XIRP2: variants seen among roughly 807,000 people sequenced by gnomAD.
XIRP2 encodes xin actin-binding repeat-containing protein 2.
Under a neutral mutation model 277.0 loss-of-function variants are expected in XIRP2, and 236 were observed. The observed-to-expected ratio is 0.85, with a 90% CI of 0.77 to 0.95. The LOEUF is 0.95. XIRP2 is among the 40% of genes least tolerant of loss of function. The pLI is 0.00. For missense variants in XIRP2, 4,640 were observed against 4,157.5 expected (o/e 1.12, Z -3.19); for synonymous variants, 1,490 against 1,416.5 (o/e 1.05, Z -1.17).
chr2:167,209,128 A>G (rs748304394), intron 3 of XIRP2, among the ~76,000 whole-genome samples: 10 of 152,216 alleles, frequency 6.6e-5, no homozygotes, highest in Non-Finnish European at 1.3e-4. Flanking sequence ...ACATTGTACA[A>G]TCAGCATTCA....
At chr2:166,935,861 C>A (rs1396631423) in intron 2 of XIRP2, among the ~76,000 whole-genome samples, 1 of 152,152 alleles carries the variant, frequency 6.6e-6, no homozygotes, top group South Asian at 2.1e-4. Context: ...TGAATAGTGC[C>A]GCAATAAACA....
intron 2 of XIRP2, among the ~76,000 whole-genome samples, chr2:167,021,735 G>A (rs1687987812): frequency 6.6e-6 from 1 of 152,034 alleles, no homozygotes; most frequent in African/African-American, 2.4e-5. Context: ...GGAGGTGGGA[G>A]GATCTCATGA....
intron 5 of XIRP2, among the ~76,000 whole-genome samples, chr2:167,226,964 A>G (rs73972212): frequency 0.15 from 22,871 of 152,064 alleles, 2,112 homozygotes; most frequent in African/African-American, 0.27. Context: ...GGAAATCCCC[A>G]GGCGGCCCAG....
intron 2 of XIRP2, among the ~76,000 whole-genome samples, chr2:166,947,633 A>G (rs1281306559): frequency 6.6e-6 from 1 of 152,140 alleles, no homozygotes; most frequent in Non-Finnish European, 1.5e-5. Context: ...TGTGAGAAAT[A>G]GGACCTTTCA....
intron 2 of XIRP2, among the ~76,000 whole-genome samples, chr2:167,097,794 C>T (rs1433009906): frequency 6.6e-6 from 1 of 152,110 alleles, no homozygotes; most frequent in Non-Finnish European, 1.5e-5. Flanking sequence ...TTTTGTTTCT[C>T]CTTCATTTAT....
At chr2:166,893,320 G>A (rs1184889895) in intron 1 of XIRP2, among the ~76,000 whole-genome samples, 1 of 152,052 alleles carries the variant, frequency 6.6e-6, no homozygotes, top group Non-Finnish European at 1.5e-5. Context: ...CTTCAAAAAT[G>A]TAGAAAAGCC....
intron 2 of XIRP2, among the ~76,000 whole-genome samples, chr2:166,966,443 T>C (rs954481636): frequency 2.6e-5 from 4 of 151,938 alleles, no homozygotes; most frequent in African/African-American, 9.7e-5. Context: ...TATGTTTATA[T>C]ATATTTGTTT....
chr2:167,037,997 A>G (rs1231725990), intron 2 of XIRP2, among the ~76,000 whole-genome samples: 1 of 152,094 alleles, frequency 6.6e-6, no homozygotes, highest in African/African-American at 2.4e-5. Context: ...TTCGAATAGT[A>G]CTAAATGAAA....
chr2:166,924,491 AT>A (rs996090143), intron 2 of XIRP2, among the ~76,000 whole-genome samples: 2 of 151,292 alleles, frequency 1.3e-5, no homozygotes, highest in Non-Finnish European at 3.0e-5. Context: ...TTTTTTTTGA[AT>A]TTTTTTCTTT....
At chr2:167,010,050 G>T (rs9688918) in intron 2 of XIRP2, among the ~76,000 whole-genome samples, 2 of 151,958 alleles carry the variant, frequency 1.3e-5, no homozygotes, top group African/African-American at 2.4e-5. Context: ...CTTTTGCTGT[G>T]CAGAAGCTCT....
chr2:167,214,545 C>T (rs1694187418), intron 4 of XIRP2, among the ~76,000 whole-genome samples: 1 of 150,910 alleles, frequency 6.6e-6, no homozygotes. Flanking sequence ...TTCTAAAGCG[C>T]AGGAAAGTAA....
intron 2 of XIRP2, among the ~76,000 whole-genome samples, chr2:166,926,534 T>C (rs1209610769): frequency 6.6e-6 from 1 of 152,094 alleles, no homozygotes; most frequent in Non-Finnish European, 1.5e-5. Context: ...TTATAACAAA[T>C]ATCCAGATCA....
intron 2 of XIRP2, among the ~76,000 whole-genome samples, chr2:167,048,896 T>C (rs1487535989): frequency 6.6e-6 from 1 of 151,982 alleles, no homozygotes. Context: ...TCCTAGAATC[T>C]TGGTGTGAAA....
rs549506987 is a variant in XIRP2, at chr2:167,034,644, C to T, written c.409-101265C>T. 4.6e-5 allele frequency among the ~76,000 whole-genome samples: 7 copies of T among 152,224 alleles called. No homozygotes were observed. The South Asian group carries it at 1.2e-3, about 27-fold the overall frequency. ...CCAATAAAGAGCAGGAGCAGCTATA[C>T]TTATACAAAATAGATTTCAAGACAA... On this transcript the variant is annotated intron_variant, in intron 2 of 10. Transcript: ENST00000409195.
intron 9 of XIRP2, among the ~76,000 whole-genome samples, chr2:167,253,046 G>A (rs972185769): frequency 6.6e-5 from 10 of 151,812 alleles, no homozygotes; most frequent in African/African-American, 1.9e-4. Flanking sequence ...AATAAGCAAA[G>A]GAGTTCACTC....
chr2:167,223,309 T>C (rs1485012350), intron 5 of XIRP2, among the ~76,000 whole-genome samples: 1 of 152,180 alleles, frequency 6.6e-6, no homozygotes, highest in African/African-American at 2.4e-5. Flanking sequence ...TTTGCTTTCA[T>C]ATGAAATTGC....
chr2:167,130,000 G>A (rs955103418), intron 2 of XIRP2, among the ~76,000 whole-genome samples: 2 of 152,086 alleles, frequency 1.3e-5, no homozygotes, highest in Admixed American at 1.3e-4. Context: ...CTCACTGAGA[G>A]ATTTTACTTA....
At chr2:167,122,798 A>C (rs998074426) in intron 2 of XIRP2, among the ~76,000 whole-genome samples, 5 of 152,202 alleles carry the variant, frequency 3.3e-5, no homozygotes, top group African/African-American at 1.2e-4. Flanking sequence ...ACATTGAACA[A>C]TCTACAGAAA....
chr2:167,250,655 A>G lies in XIRP2; in HGVS notation c.9263A>G (p.His3088Arg). The G allele has an allele frequency of 6.2e-7, 1 of 1,613,592 alleles. No homozygotes were observed. Residue 3088 changes from histidine to arginine, a missense_variant, in exon 9 of 11, where the codon CAT becomes CGT. His to Arg is a conservative substitution (Grantham distance 29). Coordinates refer to ENST00000409195, the MANE Select transcript of XIRP2 (RefSeq NM_152381.6). Reference sequence around the variant, plus strand: ...GTACAGCACCAAGTAGCAGCTCATCATGAAGCAACTGTTCGTAGTCACGTG... The same window carrying G: ...GTACAGCACCAAGTAGCAGCTCATCGTGAAGCAACTGTTCGTAGTCACGTG... The part of the protein sequence containing the change: ...KTVQHQVAAH[H>R]EATVRSHVKT...
Sources: allele counts gnomAD v4.1 joint callset (sites outside exome capture counted in the v4.1 genomes callset), GRCh38; gene constraint gnomAD v4.1.1; transcripts MANE v1.5; gene names NCBI Gene and HGNC (gene_info 2026-07-23, HGNC 2026-07-21).